Variants in NFKBIB observed in about 807,000 individuals in gnomAD.
NFKBIB encodes the protein NF-kappa-B inhibitor beta.
A neutral mutation model predicts 32.1 loss-of-function variants in NFKBIB; 16 were observed. The ratio of observed to expected loss-of-function variants is 0.50; its 90% CI spans 0.34 to 0.76. The LOEUF (loss-of-function observed/expected upper bound fraction) is 0.76. Among genes scored for constraint, NFKBIB ranks in the 30% least tolerant of loss-of-function variants. NFKBIB has a pLI of 0.01. For synonymous variants in NFKBIB, 222 were observed against 219.5 expected (o/e 1.01, Z -0.10); for missense variants, 437 against 514.9 (o/e 0.85, Z 1.46).
At chr19:38,907,153 G>T in intron 3 of NFKBIB, 68 bp from the exon 4 acceptor site, 1 of 1,440,900 alleles carries the variant, frequency 6.9e-7, no homozygotes. Context: ...CCCTCCCCCA[G>T]GATCAAAGCA....
In NFKBIB at chr19:38,908,181, C is replaced by T. The variant is rs142553626; in HGVS notation, c.969+522C>T. On this transcript the variant is annotated intron_variant, in intron 5 of 5. Transcript: ENST00000313582. Reference sequence around the variant, plus strand: ...GGCAGAGGGAAGGGGTGGAGGAGGGCCAGCTCAGTTGCCGAAACTCTGGAG... The same window carrying T: ...GGCAGAGGGAAGGGGTGGAGGAGGGTCAGCTCAGTTGCCGAAACTCTGGAG... 244 of 994,196 alleles carry T rather than the reference C, an allele frequency of 2.5e-4. No homozygotes were observed. The African/African-American group carries it at 3.4e-3, about 14-fold the overall frequency. The allele number at this position is 994,196 out of a possible 1,614,324, so 61.6% of individuals were successfully genotyped here. A position where few individuals can be genotyped will look rare whatever the true frequency, so the allele number is the denominator to read the frequency against.
rs756516919 is a variant in NFKBIB at position 38,900,174 on chromosome 19, C to A, written c.142C>A (p.Pro48Thr). The A allele has an allele frequency of 1.2e-6, 2 of 1,603,636 alleles. No individual in the cohort carries two copies. Among genetic ancestry groups the A allele is most frequent in the East Asian group, 2.3e-5 (1 of 44,370 alleles). Residue 48 changes from proline to threonine, a missense_variant, in exon 1 of 6, where the codon CCC becomes ACC. Transcript: ENST00000313582. ...GTTGGGCCCGGGGCTGTCGTGGGCT[C>A]CCCTCGTCTTCGGCTACGTCACTGA... ...AELGPGLSWA[P>T]LVFGYVTEDG...
At chr19:38,906,466 G>GT (rs59286558) in intron 3 of NFKBIB, among the ~76,000 whole-genome samples, 2,368 of 75,338 alleles carry the variant, frequency 0.031, 152 homozygotes, top group African/African-American at 0.11. Flanking sequence ...TTAATTTAAG[G>GT]TTTTTTTTTT....
rs1201705468 is a variant in NFKBIB at position 38,908,631 on chromosome 19, T to C, written c.970-100T>C. The C allele has an allele frequency of 1.5e-5, 21 of 1,438,124 alleles. No individual in the cohort carries two copies. In the East Asian group the frequency reaches 3.5e-4, roughly 24 times the overall value. 89.1% of individuals were successfully genotyped at this position (1,438,124 alleles called of 1,614,324 possible). A position where few individuals can be genotyped will look rare whatever the true frequency, so the allele number is the denominator to read the frequency against. ...AGCCAGGAGCAGGGGAACTTGGGCT[T>C]TGAGGCGAGACCTAATTCTTAGGGT... On this transcript the variant is annotated intron_variant, in intron 5 of 5. Coordinates refer to ENST00000313582, the MANE Select transcript of NFKBIB (RefSeq NM_002503.5).
At chr19:38,902,943 C>T (rs142495119) in intron 1 of NFKBIB, among the ~76,000 whole-genome samples, 339 of 152,202 alleles carry the variant, frequency 2.2e-3, no homozygotes, top group Middle Eastern at 0.01. Flanking sequence ...GCAGTGGTGG[C>T]GAGCGCCTGT....
At chr19:38,903,321 T>C (rs1319852897) in intron 1 of NFKBIB, among the ~76,000 whole-genome samples, 4 of 151,978 alleles carry the variant, frequency 2.6e-5, no homozygotes, top group African/African-American at 9.7e-5. Flanking sequence ...TCTCACTCTG[T>C]TGCCCAGGCT....
At chr19:38,900,255 G>A (rs1973903694) in intron 1 of NFKBIB, 44 bp downstream of exon 1, 3 of 1,528,132 alleles carry the variant, frequency 2.0e-6, no homozygotes, top group African/African-American at 2.8e-5. Flanking sequence ...AGGACCCGGC[G>A]TCACATTCCT....
chr19:38,899,795 CCAT>C, upstream of NFKBIB: 1 of 677,298 alleles, frequency 1.5e-6, no homozygotes, highest in Non-Finnish European at 2.5e-6. Context: ...GCGTCAGCAG[CCAT>C]GTTGGTAAAG....
chr19:38,901,596 C>CAGTT (rs1239437811), intron 1 of NFKBIB, among the ~76,000 whole-genome samples: 1 of 151,978 alleles, frequency 6.6e-6, no homozygotes, highest in Non-Finnish European at 1.5e-5. Context: ...TGGGTTTAAG[C>CAGTT]AGTTCTACTG....
Position 38,905,232 on chromosome 19 carries a change from G to A in NFKBIB, c.316G>A (p.Glu106Lys), listed in dbSNP as rs912926912. ...CCTGCACCTGGCAGCCATCCTGGGG[G>A]AGACATCCACGGTGGAGAAGCTGTA... ...TALHLAAILG[E>K]TSTVEKLYAA... The change falls in exon 3 of 6, where the codon GAG (glutamate) becomes AAG (lysine). Residue 106 changes from glutamate (E) to lysine (K), a missense_variant. By Grantham distance (56) the Glu-to-Lys change is moderately conservative. Coordinates refer to ENST00000313582, the MANE Select transcript of NFKBIB (RefSeq NM_002503.5). The surrounding 1 kb of genome is among the most constrained non-coding windows in gnomAD (Gnocchi z 5.5). 1 of 1,590,102 alleles carries A rather than the reference G, an allele frequency of 6.3e-7. No homozygotes were observed. The highest frequency in any genetic ancestry group is 1.1e-5 in the South Asian group (1 of 87,324).
At chr19:38,902,723 CATTTACATATTGTCAGTGGCTGCT>C (rs752988021) in intron 1 of NFKBIB, among the ~76,000 whole-genome samples, 1 of 152,214 alleles carries the variant, frequency 6.6e-6, no homozygotes, top group Non-Finnish European at 1.5e-5. Flanking sequence ...CAAGCTCACT[CATTTACATATTGTCAGTGGCTGCT>C]TTTGCACTGA....
chr19:38,904,734 G>A (rs1336207055), intron 1 of NFKBIB, among the ~76,000 whole-genome samples: 5 of 138,254 alleles, frequency 3.6e-5, no homozygotes, highest in Admixed American at 7.8e-5. Context: ...TTCATATACC[G>A]TATTTCGTCT....
At chr19:38,908,461 C>A (rs1480547523) in intron 5 of NFKBIB, 2 of 1,001,704 alleles carry the variant, frequency 2.0e-6, no homozygotes, top group African/African-American at 1.7e-5. Flanking sequence ...ATTGCTTGAA[C>A]CTGGGAGGTG....
At chr19:38,907,089 T>A (rs1196851122) in intron 3 of NFKBIB, 132 bp from the exon 4 acceptor site, 1 of 796,560 alleles carries the variant, frequency 1.3e-6, no homozygotes, top group African/African-American at 1.7e-5. Flanking sequence ...CTCTTTGCCA[T>A]ACCCAAGAAT....
upstream of NFKBIB, chr19:38,899,891 G>A (rs77335353): frequency 2.0e-3 from 1,669 of 850,258 alleles, 27 homozygotes; most frequent in African/African-American, 0.026. Context: ...ACGAGGGCGG[G>A]GTGTGAGCGA....
intron 5 of NFKBIB, chr19:38,908,279 G>A (rs1234100619): frequency 2.0e-6 from 2 of 991,800 alleles, no homozygotes; most frequent in African/African-American, 3.5e-5. Context: ...GGTGGCTCAC[G>A]CCTGTAATCC....
Position 38,907,388 on chromosome 19 carries a change from C to T in NFKBIB, c.709-11C>T, listed in dbSNP as rs747129153. 8.8e-6 allele frequency: 14 copies of T among 1,588,714 alleles called. No individual in the cohort carries two copies. In the East Asian group the frequency reaches 2.5e-4, roughly 28 times the overall value. On this transcript the variant is annotated splice_polypyrimidine_tract_variant and intron_variant, in intron 4 of 5. Transcript: ENST00000313582. ...TTCGGGCCCTCTGACCTTTCTGTTG[C>T]ACCCCCACAGGAGCCCACGTGCGGC...
intron 3 of NFKBIB, among the ~76,000 whole-genome samples, chr19:38,906,318 A>G (rs1418140497): frequency 2.0e-5 from 3 of 148,812 alleles, no homozygotes; most frequent in Non-Finnish European, 4.5e-5. Flanking sequence ...TTATTTTTGT[A>G]TTTTTAGTAG....
At chr19:38,907,882 A>C in intron 5 of NFKBIB, 1 of 1,381,636 alleles carries the variant, frequency 7.2e-7, no homozygotes, top group Non-Finnish European at 9.4e-7. Context: ...CAAAGGTAGA[A>C]CTCAGGCAGG....
Sources: allele counts gnomAD v4.1 joint callset (sites outside exome capture counted in the v4.1 genomes callset), GRCh38; gene constraint gnomAD v4.1.1; non-coding constraint Gnocchi (gnomAD v3.1); transcripts MANE v1.5; gene names NCBI Gene and HGNC (gene_info 2026-07-23, HGNC 2026-07-21).